NBEAL1: variants seen among roughly 807,000 people sequenced by gnomAD.
NBEAL1 encodes neurobeachin like 1, also known as neurobeachin-like protein 1.
In NBEAL1, 273 loss-of-function variants were observed where a neutral mutation model predicts 351.3. The observed-to-expected ratio is 0.78, with a 90% CI of 0.70 to 0.86. The LOEUF (loss-of-function observed/expected upper bound fraction) is 0.86, where lower values mean the gene tolerates loss of function less well. Ranked by LOEUF, NBEAL1 falls within the 40% of genes least tolerant of loss-of-function variation. NBEAL1 has a pLI of 0.00. For synonymous variants in NBEAL1, 1,050 were observed against 1,086.4 expected (o/e 0.97, Z 0.66); for missense variants, 2,961 against 3,201.3 (o/e 0.92, Z 1.81).
At chr2:203,200,129 A>C (rs1225854390) in intron 49 of NBEAL1, among the ~76,000 whole-genome samples, 2 of 152,210 alleles carry the variant, frequency 1.3e-5, no homozygotes, top group Non-Finnish European at 2.9e-5. Flanking sequence ...CTGTAATCCC[A>C]AAACTTGGGA....
At chr2:203,065,697 A>G (rs1297195324) in intron 6 of NBEAL1, among the ~76,000 whole-genome samples, 1 of 151,998 alleles carries the variant, frequency 6.6e-6, no homozygotes, top group Non-Finnish European at 1.5e-5. Context: ...GCTTGCAGTG[A>G]GCCGAGATTG....
chr2:203,177,682 G>A (rs1198330970), intron 42 of NBEAL1, among the ~76,000 whole-genome samples: 1 of 152,104 alleles, frequency 6.6e-6, no homozygotes, highest in Non-Finnish European at 1.5e-5. Context: ...ATGTAAAATG[G>A]TATAGCTTTT....
Position 203,172,836 on chromosome 2 carries a change from C to T in NBEAL1, c.6306C>T (p.Ala2102=). 1 of 1,608,154 alleles carries T rather than the reference C, an allele frequency of 6.2e-7. No homozygotes were observed. Among genetic ancestry groups the T allele is most frequent in the Non-Finnish European group, 8.5e-7 (1 of 1,177,130 alleles). The change falls in exon 41 of 56, where the codon GCC becomes GCT. Residue 2102 remains alanine, a synonymous_variant. Coordinates refer to ENST00000683969, the MANE Select transcript of NBEAL1 (RefSeq NM_001378026.1). ...KPIGVVNEKN[A]KAMREKYENF... is the part of the protein sequence containing the mutation. Reference sequence around the variant, plus strand: ...TTGGGGTAGTTAATGAAAAAAACGCCAAAGCTATGAGAGAAAAGTAAGTGC... The same window carrying T: ...TTGGGGTAGTTAATGAAAAAAACGCTAAAGCTATGAGAGAAAAGTAAGTGC...
chr2:203,087,052 G>GATTATGGC (rs1195738581), intron 10 of NBEAL1, among the ~76,000 whole-genome samples: 1 of 147,758 alleles, frequency 6.8e-6, no homozygotes, highest in Non-Finnish European at 1.5e-5. Context: ...TTTTTTGCCA[G>GATTATGGC]ATTATGGCAA....
At chr2:203,021,714 A>G (rs950073032) in intron 2 of NBEAL1, among the ~76,000 whole-genome samples, 4 of 152,076 alleles carry the variant, frequency 2.6e-5, no homozygotes, top group Admixed American at 1.3e-4. Flanking sequence ...TTGTTTCTAT[A>G]TTATTATATA....
At position 203,136,248 on chromosome 2, in the gene NBEAL1, A is replaced by G. The variant is rs1318939102; in HGVS notation, c.4385A>G (p.Gln1462Arg). The change falls in exon 28 of 56, where the codon CAA (glutamine) becomes CGA (arginine). Residue 1462 changes from glutamine (Q) to arginine (R), a missense_variant. Coordinates refer to ENST00000683969, the MANE Select transcript of NBEAL1 (RefSeq NM_001378026.1). Reference sequence around the variant, plus strand: ...GATGACTTCTCTTTACTTGAAAGCCAAGAGGTAAAATTGCTTATTTTTCCA... The same window carrying G: ...GATGACTTCTCTTTACTTGAAAGCCGAGAGGTAAAATTGCTTATTTTTCCA... ...FSDDFSLLES[Q>R]ERCEEELLQL... 6.4e-7 allele frequency: 1 copy of G among 1,562,782 alleles called. No individual in the cohort carries two copies. Among genetic ancestry groups the G allele is most frequent in the Non-Finnish European group, 8.6e-7 (1 of 1,159,604 alleles).
intron 27 of NBEAL1, 110 bp downstream of exon 27, chr2:203,133,256 ACGT>A: frequency 2.2e-6 from 1 of 460,152 alleles, no homozygotes; most frequent in Non-Finnish European, 3.8e-6. Context: ...TTTATAAATG[ACGT>A]AATTTTATAA....
chr2:203,118,758 AT>A (rs2062756828), intron 18 of NBEAL1, among the ~76,000 whole-genome samples: 1 of 151,868 alleles, frequency 6.6e-6, no homozygotes, highest in Non-Finnish European at 1.5e-5. Context: ...CACCTGGCTA[AT>A]TTTTGTATTT....
rs74267858 is a variant in NBEAL1 at position 203,170,059 on chromosome 2, C to T, written c.6102+208C>T. Reference sequence around the variant, plus strand: ...GTATCATTCAGTTCATGGGTATATCCGTTAATAATTTTCTCTTTTTAAAAA... The same window carrying T: ...GTATCATTCAGTTCATGGGTATATCTGTTAATAATTTTCTCTTTTTAAAAA... On this transcript the variant is annotated intron_variant, in intron 39 of 55. Transcript: ENST00000683969. Among the ~76,000 whole-genome samples the T allele has an allele frequency of 9.5e-4, 145 of 152,226 alleles. 1 individual carries two copies. In the East Asian group the frequency reaches 0.025, roughly 26 times the overall value.
chr2:203,207,836 T>G (rs1245757335), intron 51 of NBEAL1, among the ~76,000 whole-genome samples: 2 of 152,006 alleles, frequency 1.3e-5, no homozygotes, highest in Non-Finnish European at 2.9e-5. Flanking sequence ...TGGCTGCAAA[T>G]CAAATTAGTG....
chr2:203,126,208 T>C lies in NBEAL1; in HGVS notation c.2985+115T>C, dbSNP rs2062933627. On this transcript the variant is annotated intron_variant, in intron 21 of 55. Transcript: ENST00000683969. ...AAAGATTATTACAACTTGAATTATA[T>C]TAATGGATATAATTTGTTCACAGGC... 4.6e-6 allele frequency: 5 copies of C among 1,075,488 alleles called. No homozygotes were observed. In the South Asian group the frequency reaches 8.6e-5, roughly 18 times the overall value. The allele number at this position is 1,075,488 out of a possible 1,614,324, so 66.6% of individuals were successfully genotyped here. A position where few individuals can be genotyped will look rare whatever the true frequency, so the allele number is the denominator to read the frequency against.
intron 47 of NBEAL1, among the ~76,000 whole-genome samples, chr2:203,194,744 G>T (rs938725120): frequency 6.6e-6 from 1 of 152,080 alleles, no homozygotes; most frequent in Non-Finnish European, 1.5e-5. Flanking sequence ...TACAAAACAG[G>T]TGGTGGGCTG....
At chr2:203,151,667 T>C in intron 35 of NBEAL1, 78 bp downstream of exon 35, 1 of 1,341,542 alleles carries the variant, frequency 7.5e-7, no homozygotes, top group South Asian at 1.8e-5. Context: ...TATTTTATTG[T>C]TTTAAATGTG....
At position 203,057,304 on chromosome 2, in the gene NBEAL1, TTA is replaced by T. The variant is rs1292536613; in HGVS notation, c.388-20_388-19del. On this transcript the variant is annotated intron_variant, in intron 5 of 55. Coordinates refer to ENST00000683969, the MANE Select transcript of NBEAL1 (RefSeq NM_001378026.1). ...ATGATAAGTAAGGCATGTCTTTAAT[TTA>T]TGTTTAACTTTGTTCTCAGTTAAAA... 1.3e-6 allele frequency: 2 copies of T among 1,536,304 alleles called. No homozygotes were observed. The highest frequency in any genetic ancestry group is 4.0e-5 in the Admixed American group (2 of 49,464).
At chr2:203,060,874 T>C (rs569550987) in intron 6 of NBEAL1, among the ~76,000 whole-genome samples, 1 of 152,352 alleles carries the variant, frequency 6.6e-6, no homozygotes, top group East Asian at 1.9e-4. Flanking sequence ...TTCTGTATTT[T>C]CCAGACCACT....
At position 203,089,173 on chromosome 2, in the gene NBEAL1, A is replaced by G. The variant is rs1009837504; in HGVS notation, c.1098+4604A>G. Among the ~76,000 whole-genome samples, 33 of 152,280 alleles carry G rather than the reference A, an allele frequency of 2.2e-4. 1 individual carries two copies. The highest frequency in any genetic ancestry group is 3.4e-3 in the Middle Eastern group (1 of 294). ...CAGGAGTTCCAGACCAGCCTGGCCAACATGGCAAAACCCTGTCTCTATTAA... is the reference window on the plus strand; with the variant it reads ...CAGGAGTTCCAGACCAGCCTGGCCAGCATGGCAAAACCCTGTCTCTATTAA... On this transcript the variant is annotated intron_variant, in intron 10 of 55. Transcript: ENST00000683969.
intron 3 of NBEAL1, among the ~76,000 whole-genome samples, chr2:203,045,074 G>A (rs1168376497): frequency 6.6e-6 from 1 of 152,004 alleles, no homozygotes; most frequent in Non-Finnish European, 1.5e-5. Context: ...TATCTATAAG[G>A]CATGTTCAAC....
At chr2:203,207,268 A>G (rs1482840040) in intron 51 of NBEAL1, among the ~76,000 whole-genome samples, 43 of 144,608 alleles carry the variant, frequency 3.0e-4, no homozygotes, top group African/African-American at 9.9e-4. Context: ...CCCGGCAGCC[A>G]CCCCGTCCAG....
intron 8 of NBEAL1, 91 bp from the exon 9 acceptor site, chr2:203,083,128 G>T: frequency 9.1e-7 from 1 of 1,100,612 alleles, no homozygotes; most frequent in Non-Finnish European, 1.3e-6. Context: ...AAAAGAAAAG[G>T]TTGCCTGCAG....
Sources: gnomAD v4.1 joint callset for allele counts (sites outside exome capture counted in the v4.1 genomes callset) on GRCh38, gnomAD v4.1.1 for gene constraint, MANE v1.5 for transcripts, NCBI Gene and HGNC (gene_info 2026-07-23, HGNC 2026-07-21) for gene names.